Variants in STON2 observed in about 807,000 individuals in gnomAD.
STON2 encodes stonin-2.
In STON2, 29 loss-of-function variants were observed where a neutral mutation model predicts 65.7. The observed-to-expected ratio is 0.44, with a 90% CI of 0.33 to 0.60. The LOEUF (loss-of-function observed/expected upper bound fraction) is 0.60. STON2 is among the 20% of genes least tolerant of loss of function. The pLI, the probability that STON2 is intolerant of heterozygous loss-of-function variation, is 0.03. For synonymous variants in STON2, 404 were observed against 414.2 expected (o/e 0.98, Z 0.30); for missense variants, 1,054 against 1,118.1 (o/e 0.94, Z 0.82).
chr14:81,343,428 TCTCCCACCCTACCCTCC>T (rs1448031821), intron 4 of STON2, among the ~76,000 whole-genome samples: 1 of 152,016 alleles, frequency 6.6e-6, no homozygotes, highest in Non-Finnish European at 1.5e-5. Flanking sequence ...GCATCTCCCT[TCTCCCACCCTACCCTCC>T]CTCCCACCTC....
chr14:81,336,988 A>G (rs1897398950), intron 4 of STON2, among the ~76,000 whole-genome samples: 3 of 152,168 alleles, frequency 2.0e-5, no homozygotes, highest in Non-Finnish European at 4.4e-5. Context: ...AACTTTCCCA[A>G]GGTTCTTAGT....
rs367812197 is a variant in STON2 at position 81,371,047 on chromosome 14, A to T, written c.512T>A (p.Leu171Gln). Residue 171 changes from leucine (L) to glutamine (Q), a missense_variant, in exon 4 of 8, where the codon CTG becomes CAG. Transcript: ENST00000614646. Reference sequence around the variant, plus strand: ...CTGCTCCTCAGCATTGATGAGCTGCAGATCTGTATACGAACATCCAAAGCT... The same window carrying T: ...CTGCTCCTCAGCATTGATGAGCTGCTGATCTGTATACGAACATCCAAAGCT... ...SPSFGCSYTD[L>Q]QLINAEEQTS... 9 of 1,613,744 alleles carry T rather than the reference A, an allele frequency of 5.6e-6. No individual in the cohort carries two copies. Among genetic ancestry groups the T allele is most frequent in the Non-Finnish European group, 7.6e-6 (9 of 1,180,028 alleles).
At chr14:81,330,887 A>G (rs1897186298) in intron 4 of STON2, among the ~76,000 whole-genome samples, 1 of 152,248 alleles carries the variant, frequency 6.6e-6, no homozygotes, top group Non-Finnish European at 1.5e-5. Context: ...AGAACAAGCC[A>G]TAACAAGCTG....
Position 81,263,636 on chromosome 14 carries a change from C to A in STON2, c.*4778G>T. On this transcript the variant is annotated 3_prime_UTR_variant, in exon 8 of 8. Coordinates refer to ENST00000614646, the MANE Select transcript of STON2 (RefSeq NM_001394390.1). ...TTGTTACTGTATTTTATGTGTGACC[C>A]AAGACAATTCTTCTTCCTATGTGGC... The A allele has an allele frequency of 1.5e-6, 1 of 671,466 alleles. No homozygotes were observed. The highest frequency in any genetic ancestry group is 1.8e-6 in the Non-Finnish European group (1 of 543,842). 41.6% of individuals were successfully genotyped at this position (671,466 alleles called of 1,614,324 possible).
intron 3 of STON2, among the ~76,000 whole-genome samples, chr14:81,381,227 T>TGTCAAAGTGTG (rs1228100434): frequency 6.6e-5 from 10 of 152,246 alleles, no homozygotes; most frequent in African/African-American, 2.4e-4. Flanking sequence ...GAAGGCTATA[T>TGTCAAAGTGTG]AAGAAACATT....
intron 2 of STON2, among the ~76,000 whole-genome samples, chr14:81,397,685 A>C (rs932512607): frequency 1.7e-4 from 26 of 152,172 alleles, no homozygotes; most frequent in Admixed American, 5.2e-4. Context: ...CTTGACCTTC[A>C]TCCCTGAGCA....
rs149323873 is a variant in STON2, at chr14:81,277,265, A to G, written c.2217T>C (p.Ala739=). The change falls in exon 6 of 8, where the codon GCT becomes GCC. Residue 739 remains alanine, a synonymous_variant. Transcript: ENST00000614646. ...FELMRFRTVF[A]EKTLPFTLRT... ...TGAGTGTGAAAGGCAAGGTCTTCTC[A>G]GCAAACACTGTCCTGAACCGCATTA... The G allele has an allele frequency of 4.6e-4, 739 of 1,614,202 alleles. 2 individuals carry two copies. Among genetic ancestry groups the G allele is most frequent in the African/African-American group, 2.8e-3 (213 of 75,044 alleles).
At chr14:81,348,284 C>T (rs1897894997) in intron 4 of STON2, among the ~76,000 whole-genome samples, 1 of 152,030 alleles carries the variant, frequency 6.6e-6, no homozygotes, top group African/African-American at 2.4e-5. Flanking sequence ...AAGAGAAAGA[C>T]ATAAAAAGCA....
At chr14:81,363,342 C>T (rs1566927732) in intron 4 of STON2, among the ~76,000 whole-genome samples, 1 of 151,764 alleles carries the variant, frequency 6.6e-6, no homozygotes, top group Non-Finnish European at 1.5e-5. Flanking sequence ...ATTTTAATGG[C>T]AAAAAAAGCT....
At chr14:81,294,718 G>C (rs1895693078) in intron 5 of STON2, among the ~76,000 whole-genome samples, 2 of 152,168 alleles carry the variant, frequency 1.3e-5, no homozygotes, top group African/African-American at 4.8e-5. Flanking sequence ...AAAGTCATGG[G>C]ATGAAAGGTT....
intron 2 of STON2, among the ~76,000 whole-genome samples, chr14:81,417,960 G>C (rs1202482224): frequency 6.6e-6 from 1 of 152,156 alleles, no homozygotes; most frequent in Admixed American, 6.5e-5. Context: ...CAAATGCTGA[G>C]GAGAGACATA....
chr14:81,421,294 A>T (rs1396500611), intron 2 of STON2, among the ~76,000 whole-genome samples: 2 of 152,236 alleles, frequency 1.3e-5, no homozygotes, highest in Admixed American at 6.5e-5. Context: ...GCAATGAGCC[A>T]GAAGGAGAAA....
intron 5 of STON2, among the ~76,000 whole-genome samples, chr14:81,284,447 G>C (rs1895253043): frequency 6.6e-6 from 1 of 152,140 alleles, no homozygotes; most frequent in Non-Finnish European, 1.5e-5. Context: ...TCAGAGGAAG[G>C]CCCTACCTCT....
At chr14:81,331,671 AG>A (rs1320745109) in intron 4 of STON2, among the ~76,000 whole-genome samples, 1 of 152,244 alleles carries the variant, frequency 6.6e-6, no homozygotes, top group African/African-American at 2.4e-5. Flanking sequence ...CCATGGATAG[AG>A]GGAGAGGAAA....
intron 1 of STON2, among the ~76,000 whole-genome samples, chr14:81,431,334 C>T (rs1454851954): frequency 3.9e-5 from 6 of 152,122 alleles, no homozygotes; most frequent in African/African-American, 1.2e-4. Context: ...TTATTTTATA[C>T]ACATTTAATA....
In STON2 at chr14:81,395,943, G is replaced by A; in HGVS notation, c.324C>T (p.Asp108=). ...GTGGAGATGTGCTGGCCCAGGGTGT[G>A]TCATCTTCAAACTGAACCCAGTTGC... is the stretch of plus-strand genomic sequence containing the variant. ...AISNWVQFED[D]TPWASTSPPH... The change falls in exon 3 of 8, where the codon GAC becomes GAT. Residue 108 remains aspartate (D), a synonymous_variant. Coordinates refer to ENST00000614646, the MANE Select transcript of STON2 (RefSeq NM_001394390.1). 6.2e-7 allele frequency: 1 copy of A among 1,614,146 alleles called. No individual in the cohort carries two copies. Among genetic ancestry groups the A allele is most frequent in the Non-Finnish European group, 8.5e-7 (1 of 1,180,008 alleles).
intron 3 of STON2, among the ~76,000 whole-genome samples, chr14:81,389,373 C>T (rs934678309): frequency 6.6e-6 from 1 of 152,240 alleles, no homozygotes; most frequent in African/African-American, 2.4e-5. Flanking sequence ...CCAAACACCT[C>T]TCTTGCCCTA....
chr14:81,386,021 G>A (rs528185755), intron 3 of STON2, among the ~76,000 whole-genome samples: 4 of 152,260 alleles, frequency 2.6e-5, no homozygotes, highest in African/African-American at 9.6e-5. Flanking sequence ...GAACAGCCAG[G>A]GCAGCAGTGA....
chr14:81,422,506 C>CCT (rs1901753627), intron 2 of STON2, among the ~76,000 whole-genome samples: 1 of 152,156 alleles, frequency 6.6e-6, no homozygotes, highest in Non-Finnish European at 1.5e-5. Context: ...CACAAACACA[C>CCT]TGAGACACCA....
Sources: allele counts gnomAD v4.1 joint callset (sites outside exome capture counted in the v4.1 genomes callset), GRCh38; gene constraint gnomAD v4.1.1; transcripts MANE v1.5; gene names NCBI Gene and HGNC (gene_info 2026-07-23, HGNC 2026-07-21).